GRM7: variants seen among roughly 807,000 people sequenced by gnomAD.
The protein encoded by GRM7 is metabotropic glutamate receptor 7.
GRM7 carries 35 observed loss-of-function variants against 84.5 expected under a neutral mutation model. The ratio of observed to expected loss-of-function variants is 0.41; its 90% confidence interval spans 0.32 to 0.55. The LOEUF (loss-of-function observed/expected upper bound fraction) is 0.55, where lower values mean the gene tolerates loss of function less well. Ranked by LOEUF, GRM7 falls within the 20% of genes least tolerant of loss-of-function variation. The pLI is 0.19. For missense variants in GRM7, 1,003 were observed against 1,194.6 expected (o/e 0.84, Z 2.36); for synonymous variants, 487 against 455.1 (o/e 1.07, Z -0.89).
intron 5 of GRM7, among the ~76,000 whole-genome samples, chr3:7,442,845 GACA>G (rs1697348388): frequency 6.6e-6 from 1 of 152,100 alleles, no homozygotes; most frequent in Admixed American, 6.6e-5. Context: ...TGTGAAAGCT[GACA>G]ACATGTTGTA....
intron 5 of GRM7, among the ~76,000 whole-genome samples, chr3:7,431,260 C>A (rs1696819743): frequency 6.6e-6 from 1 of 152,076 alleles, no homozygotes. Context: ...ATATATGCAA[C>A]AAAATGAATA....
At chr3:7,031,590 G>T (rs1229453145) in intron 1 of GRM7, among the ~76,000 whole-genome samples, 1 of 150,642 alleles carries the variant, frequency 6.6e-6, no homozygotes, top group African/African-American at 2.5e-5. Context: ...CTAATTTTTT[G>T]TATTTTTAGT....
intron 7 of GRM7, among the ~76,000 whole-genome samples, chr3:7,544,456 C>T (rs1253081204): frequency 6.6e-6 from 1 of 152,158 alleles, no homozygotes; most frequent in Admixed American, 6.5e-5. Flanking sequence ...TAAAGTAGCA[C>T]CCAACCTGCA....
chr3:7,395,602 T>C (rs1255364032), intron 4 of GRM7, among the ~76,000 whole-genome samples: 1 of 152,198 alleles, frequency 6.6e-6, no homozygotes, highest in Non-Finnish European at 1.5e-5. Flanking sequence ...CTTCATACTG[T>C]CCTCATGGTA....
chr3:7,153,525 T>C (rs1414783916), intron 2 of GRM7, among the ~76,000 whole-genome samples: 2 of 152,130 alleles, frequency 1.3e-5, no homozygotes, highest in African/African-American at 4.8e-5. Context: ...AATAAATGCA[T>C]GTTGAATTTA....
chr3:7,431,303 C>G (rs946289059), intron 5 of GRM7, among the ~76,000 whole-genome samples: 5 of 152,056 alleles, frequency 3.3e-5, no homozygotes, highest in Non-Finnish European at 7.4e-5. Flanking sequence ...GTGAAAGAAT[C>G]CAGACCCCCA....
chr3:6,953,630 C>T (rs963613769), intron 1 of GRM7, among the ~76,000 whole-genome samples: 1 of 152,230 alleles, frequency 6.6e-6, no homozygotes, highest in African/African-American at 2.4e-5. Context: ...TTTCATAGCA[C>T]AATCCCCACA....
chr3:7,358,883 T>C (rs982729373), intron 4 of GRM7, among the ~76,000 whole-genome samples: 2 of 152,226 alleles, frequency 1.3e-5, no homozygotes, highest in African/African-American at 2.4e-5. Context: ...TTTGGGAAGC[T>C]GAGGCAGGCA....
chr3:7,258,978 A>C (rs1316924910), intron 2 of GRM7, among the ~76,000 whole-genome samples: 1 of 152,226 alleles, frequency 6.6e-6, no homozygotes, highest in Non-Finnish European at 1.5e-5. Context: ...TGCATATGAA[A>C]ATCAAGGTGT....
At chr3:7,343,811 G>T (rs1433266517) in intron 4 of GRM7, among the ~76,000 whole-genome samples, 1 of 152,050 alleles carries the variant, frequency 6.6e-6, no homozygotes, top group African/African-American at 2.4e-5. Flanking sequence ...GAATTACTTT[G>T]CCCTTTTTAT....
intron 4 of GRM7, among the ~76,000 whole-genome samples, chr3:7,337,331 C>G (rs1320789595): frequency 1.3e-5 from 2 of 151,944 alleles, no homozygotes; most frequent in Admixed American, 6.6e-5. Flanking sequence ...CATAAGAAAA[C>G]CTCTTCTAGA....
intron 1 of GRM7, among the ~76,000 whole-genome samples, chr3:7,074,370 G>A (rs573852375): frequency 2.0e-5 from 3 of 152,264 alleles, no homozygotes; most frequent in African/African-American, 7.2e-5. Context: ...ACAGGAGACA[G>A]GAATGGAAAC....
rs138581787 is a variant in GRM7, at chr3:7,039,973, C to G, written c.520-106479C>G. On this transcript the variant is annotated intron_variant, in intron 1 of 9. Transcript: ENST00000357716. ...AGTTCAGAACTGTATCTTTTGTACT[C>G]GGCACCTAGCAATTGCTTGGCAATT... is the stretch of plus-strand genomic sequence containing the variant. 1.2e-3 allele frequency among the ~76,000 whole-genome samples: 179 copies of G among 152,234 alleles called. 3 individuals carry two copies. In the East Asian group the frequency reaches 0.03, roughly 26 times the overall value.
At chr3:6,907,921 G>A (rs1696636844) in intron 1 of GRM7, among the ~76,000 whole-genome samples, 1 of 152,088 alleles carries the variant, frequency 6.6e-6, no homozygotes, top group Non-Finnish European at 1.5e-5. Flanking sequence ...TTTTAGCCAT[G>A]TGGGGTTATT....
intron 9 of GRM7, among the ~76,000 whole-genome samples, chr3:7,698,413 T>A (rs1701103680): frequency 6.6e-6 from 1 of 152,216 alleles, no homozygotes. Context: ...ATCATTAGGC[T>A]CCTTTTACAG....
intron 4 of GRM7, among the ~76,000 whole-genome samples, chr3:7,328,996 G>C (rs1701092509): frequency 6.6e-6 from 1 of 151,986 alleles, no homozygotes; most frequent in South Asian, 2.1e-4. Context: ...CTGAGAGTTA[G>C]CTTTGATAAA....
At chr3:7,261,171 G>T (rs1419020115) in intron 2 of GRM7, among the ~76,000 whole-genome samples, 1 of 152,034 alleles carries the variant, frequency 6.6e-6, no homozygotes, top group Non-Finnish European at 1.5e-5. Flanking sequence ...CCCAGTACCT[G>T]CAGGTCACAG....
At chr3:6,898,191 C>T (rs1047288515) in intron 1 of GRM7, among the ~76,000 whole-genome samples, 7 of 152,074 alleles carry the variant, frequency 4.6e-5, no homozygotes, top group African/African-American at 1.2e-4. Context: ...AATCACTTGT[C>T]GTTCTCATGT....
chr3:7,260,691 G>GTGTC, intron 2 of GRM7, among the ~76,000 whole-genome samples: 1 of 151,758 alleles, frequency 6.6e-6, no homozygotes, highest in South Asian at 2.1e-4. Flanking sequence ...GTGTGTGTGT[G>GTGTC]TGTGTGTGTG....
Sources: gnomAD v4.1 joint callset for allele counts (sites outside exome capture counted in the v4.1 genomes callset) on GRCh38, gnomAD v4.1.1 for gene constraint, MANE v1.5 for transcripts, NCBI Gene and HGNC (gene_info 2026-07-23, HGNC 2026-07-21) for gene names.